The following INSL6 variants were observed in gnomAD, a reference collection of about 807,000 sequenced individuals.
The protein encoded by INSL6 is insulin like 6.
Under a neutral mutation model 9.4 loss-of-function variants are expected in INSL6, and 16 were observed. That is an observed-to-expected ratio of 1.70 (90% confidence interval 1.15 to 2.59). INSL6 has a LOEUF of 2.59. Among genes scored for constraint, INSL6 ranks in the 30% most tolerant of loss-of-function variants. The pLI, the probability that INSL6 is intolerant of heterozygous loss-of-function variation, is 0.00. For synonymous variants in INSL6, 154 were observed against 96.9 expected (o/e 1.59, Z -3.46); for missense variants, 391 against 257.3 (o/e 1.52, Z -3.56).
At chr9:5,106,259 A>G in the INSL6 span, among the ~76,000 whole-genome samples, 10 of 152,248 alleles carry the variant, frequency 6.6e-5, no homozygotes, top group Non-Finnish European at 1.2e-4. Context: ...ACACTTCTCA[A>G]AAGAAGGCAT....
At chr9:5,009,188 G>A in the INSL6 span, among the ~76,000 whole-genome samples, 2 of 152,188 alleles carry the variant, frequency 1.3e-5, no homozygotes, top group African/African-American at 2.4e-5. Flanking sequence ...TGGGTGGTCC[G>A]AGGCTCAGAC....
chr9:5,148,978 G>A (rs1824657348), intron 2 of INSL6, among the ~76,000 whole-genome samples: 1 of 152,220 alleles, frequency 6.6e-6, no homozygotes, highest in Non-Finnish European at 1.5e-5. Context: ...CTCCCCAGCA[G>A]TTAGCTGGGG....
the INSL6 span, chr9:5,065,157 T>A: frequency 1.2e-5 from 7 of 571,122 alleles, no homozygotes; most frequent in Non-Finnish European, 1.7e-5. Context: ...AAGTTTTTTT[T>A]AAACAAAAGG....
intron 3 of INSL6, among the ~76,000 whole-genome samples, chr9:5,133,180 A>C (rs978375165): frequency 4.6e-5 from 7 of 152,138 alleles, no homozygotes; most frequent in African/African-American, 1.7e-4. Context: ...TGGTAGAGGA[A>C]ATTAGGGAAA....
chr9:5,111,409 C>G, the INSL6 span: 1 of 402,672 alleles, frequency 2.5e-6, no homozygotes, highest in Non-Finnish European at 4.8e-6. Flanking sequence ...GCGGCCTGGA[C>G]ACGCAGCCCA....
chr9:5,077,195 C>T, the INSL6 span, among the ~76,000 whole-genome samples: 1 of 150,234 alleles, frequency 6.7e-6, no homozygotes, highest in South Asian at 2.1e-4. Context: ...TAAAGGTGTG[C>T]TGGTATATTA....
intron 2 of INSL6, among the ~76,000 whole-genome samples, chr9:5,155,241 T>G (rs1224360183): frequency 6.7e-6 from 1 of 148,756 alleles, no homozygotes; most frequent in African/African-American, 2.5e-5. Context: ...AACCAAACAC[T>G]GCATGTTCTC....
chr9:5,171,058 C>T (rs1825170892), intron 1 of INSL6, among the ~76,000 whole-genome samples: 1 of 152,132 alleles, frequency 6.6e-6, no homozygotes, highest in South Asian at 2.1e-4. Context: ...GGCCAATATT[C>T]CTGAAGTACA....
At chr9:5,054,431 AC>A in the INSL6 span, 1 of 668,766 alleles carries the variant, frequency 1.5e-6, no homozygotes, top group Non-Finnish European at 2.6e-6. This position sits in a 1 kb window ranked among gnomAD's most constrained non-coding sequence, Gnocchi z 4.9. Context: ...ATGTCAACTT[AC>A]GCCACTTGGC....
chr9:5,047,178 G>C, the INSL6 span, among the ~76,000 whole-genome samples: 1 of 152,086 alleles, frequency 6.6e-6, no homozygotes, highest in Non-Finnish European at 1.5e-5. Flanking sequence ...ATTACTCTAA[G>C]ATTGTACTGT....
chr9:5,052,753 A>AT, the INSL6 span, among the ~76,000 whole-genome samples: 13 of 151,802 alleles, frequency 8.6e-5, no homozygotes, highest in Admixed American at 7.2e-4. Flanking sequence ...GTGGTGTGGC[A>AT]TTTTTTTTGT....
the INSL6 span, among the ~76,000 whole-genome samples, chr9:5,059,904 G>C: frequency 6.6e-6 from 1 of 152,072 alleles, no homozygotes. Context: ...GTCCCTTTCT[G>C]ATCAATCTGT....
At chr9:5,035,000 T>G in the INSL6 span, among the ~76,000 whole-genome samples, 1 of 150,724 alleles carries the variant, frequency 6.6e-6, no homozygotes, top group East Asian at 1.9e-4. Flanking sequence ...GCAAGAATAA[T>G]AAGAAAAGAG....
At chr9:5,105,792 G>A in the INSL6 span, among the ~76,000 whole-genome samples, 2 of 152,124 alleles carry the variant, frequency 1.3e-5, no homozygotes, top group Admixed American at 1.3e-4. Flanking sequence ...TGACAAACCT[G>A]ACAAAAACAA....
chr9:5,114,088 G>C, the INSL6 span: 1 of 332,298 alleles, frequency 3.0e-6, no homozygotes, highest in Non-Finnish European at 6.0e-6. Context: ...ACCCAGAAGC[G>C]CTGGCTGCCC....
the INSL6 span, chr9:5,091,123 G>T: frequency 2.5e-6 from 1 of 400,206 alleles, no homozygotes; most frequent in Non-Finnish European, 4.4e-6. Context: ...ATTAAGTGTT[G>T]TCTTATTTAT....
the INSL6 span, among the ~76,000 whole-genome samples, chr9:5,044,749 T>C: frequency 6.6e-6 from 1 of 152,232 alleles, no homozygotes; most frequent in Admixed American, 6.5e-5. Flanking sequence ...TCCTTTTGAA[T>C]TTCTTTCTTT....
chr9:5,050,630 T>G, the INSL6 span: 2 of 1,503,610 alleles, frequency 1.3e-6, no homozygotes, highest in Non-Finnish European at 9.2e-7. Flanking sequence ...AATCATAGAT[T>G]AAAACATGAT....
At chr9:5,028,462 A>G in the INSL6 span, among the ~76,000 whole-genome samples, 69 of 152,342 alleles carry the variant, frequency 4.5e-4, no homozygotes, top group African/African-American at 1.4e-3. Flanking sequence ...AGAATGGTCA[A>G]TAAGCATTGG....
Sources: gnomAD v4.1 joint callset for allele counts (sites outside exome capture counted in the v4.1 genomes callset) on GRCh38, gnomAD v4.1.1 for gene constraint, Gnocchi (gnomAD v3.1) non-coding constraint, MANE v1.5 for transcripts, NCBI Gene and HGNC (gene_info 2026-07-23, HGNC 2026-07-21) for gene names.